The following ARB2A variants were observed in gnomAD, a reference collection of about 807,000 sequenced individuals.
ARB2A encodes the protein cotranscriptional regulator ARB2A.
the ARB2A span, among the ~76,000 whole-genome samples, chr5:94,106,296 C>A: frequency 5.9e-5 from 9 of 151,860 alleles, no homozygotes; most frequent in Non-Finnish European, 1.0e-4. Context: ...AGCAAAAAAA[C>A]CCATAAAAAA....
chr5:93,856,090 C>T, the ARB2A span, among the ~76,000 whole-genome samples: 1 of 152,156 alleles, frequency 6.6e-6, no homozygotes, highest in South Asian at 2.1e-4. Context: ...GAATGTATAA[C>T]TAGAATAACC....
the ARB2A span, among the ~76,000 whole-genome samples, chr5:93,853,283 T>C: frequency 2.0e-4 from 30 of 152,014 alleles, no homozygotes; most frequent in African/African-American, 6.3e-4. Context: ...TATAAGAATG[T>C]TTGTGATTTT....
the ARB2A span, among the ~76,000 whole-genome samples, chr5:93,931,504 A>G: frequency 6.6e-6 from 1 of 152,176 alleles, no homozygotes; most frequent in Non-Finnish European, 1.5e-5. Flanking sequence ...CTTTGTTAAA[A>G]CATAGAATGG....
the ARB2A span, among the ~76,000 whole-genome samples, chr5:93,940,453 G>A: frequency 1.3e-5 from 2 of 151,846 alleles, no homozygotes; most frequent in African/African-American, 2.4e-5. Context: ...ATAATTAGTA[G>A]ATATGTCTTT....
At chr5:94,006,644 T>C in the ARB2A span, among the ~76,000 whole-genome samples, 1 of 152,300 alleles carries the variant, frequency 6.6e-6, no homozygotes, top group Non-Finnish European at 1.5e-5. Flanking sequence ...TTAAACTATA[T>C]TTATCAGTAA....
chr5:93,715,442 G>T, the ARB2A span, among the ~76,000 whole-genome samples: 1 of 152,128 alleles, frequency 6.6e-6, no homozygotes, highest in East Asian at 1.9e-4. Flanking sequence ...GCACTTTGTA[G>T]TGTGCAGCAG....
the ARB2A span, among the ~76,000 whole-genome samples, chr5:94,049,735 C>T: frequency 3.3e-5 from 5 of 152,110 alleles, no homozygotes; most frequent in African/African-American, 4.8e-5. Context: ...GCACGAGAAT[C>T]GCTTGAACCA....
At chr5:93,790,621 T>C in the ARB2A span, among the ~76,000 whole-genome samples, 3 of 152,136 alleles carry the variant, frequency 2.0e-5, no homozygotes, top group African/African-American at 7.2e-5. Flanking sequence ...AGTTCTACTT[T>C]CCTCCCACCA....
the ARB2A span, among the ~76,000 whole-genome samples, chr5:93,771,458 A>T: frequency 6.6e-6 from 1 of 151,072 alleles, no homozygotes; most frequent in Non-Finnish European, 1.5e-5. Flanking sequence ...GACAAATGGG[A>T]TCTAATTAAA....
chr5:93,644,269 C>A, the ARB2A span, among the ~76,000 whole-genome samples: 1 of 152,140 alleles, frequency 6.6e-6, no homozygotes, highest in African/African-American at 2.4e-5. Flanking sequence ...TTACTTCTTT[C>A]TGAAAGTAAT....
the ARB2A span, among the ~76,000 whole-genome samples, chr5:94,106,483 T>C: frequency 6.6e-6 from 1 of 152,080 alleles, no homozygotes; most frequent in African/African-American, 2.4e-5. Context: ...TAACAGCTGC[T>C]GATGAGGTTG....
the ARB2A span, among the ~76,000 whole-genome samples, chr5:93,895,508 T>C: frequency 2.0e-5 from 3 of 152,172 alleles, no homozygotes; most frequent in Non-Finnish European, 4.4e-5. Flanking sequence ...TCCAAAGGCA[T>C]AACATTTGTT....
chr5:94,104,333 C>G, the ARB2A span, among the ~76,000 whole-genome samples: 1 of 150,900 alleles, frequency 6.6e-6, no homozygotes, highest in African/African-American at 2.4e-5. Flanking sequence ...TACAACTGAC[C>G]CCACAGAAAT....
At chr5:94,014,963 G>A in the ARB2A span, among the ~76,000 whole-genome samples, 6 of 150,970 alleles carry the variant, frequency 4.0e-5, no homozygotes, top group African/African-American at 1.5e-4. Flanking sequence ...CAAGAGCAAG[G>A]AGTAGAAAGT....
At chr5:93,622,816 G>A in the ARB2A span, among the ~76,000 whole-genome samples, 1 of 152,132 alleles carries the variant, frequency 6.6e-6, no homozygotes, top group Non-Finnish European at 1.5e-5. Flanking sequence ...TAAAGTGCTA[G>A]GTGGATTTTG....
At chr5:93,881,410 A>G in the ARB2A span, 1 of 1,239,202 alleles carries the variant, frequency 8.1e-7, no homozygotes, top group Non-Finnish European at 1.1e-6. Context: ...AACAATCTAC[A>G]TATAATAAAA....
the ARB2A span, among the ~76,000 whole-genome samples, chr5:93,854,174 A>G: frequency 1.3e-5 from 2 of 151,850 alleles, no homozygotes; most frequent in African/African-American, 2.4e-5. Context: ...CTTCTTCCTG[A>G]TTTAGTCTTG....
At chr5:93,865,660 T>C in the ARB2A span, 28 of 985,408 alleles carry the variant, frequency 2.8e-5, no homozygotes, top group Non-Finnish European at 3.1e-5. Flanking sequence ...TTATCATCTA[T>C]ATTTATCATC....
At chr5:93,825,745 T>C in the ARB2A span, among the ~76,000 whole-genome samples, 6 of 152,126 alleles carry the variant, frequency 3.9e-5, no homozygotes, top group East Asian at 1.9e-4. Flanking sequence ...TAGAATTATA[T>C]AGCAGAAAGT....
Sources: allele counts gnomAD v4.1 joint callset (sites outside exome capture counted in the v4.1 genomes callset), GRCh38; gene constraint gnomAD v4.1.1; transcripts MANE v1.5; gene names NCBI Gene and HGNC (gene_info 2026-07-23, HGNC 2026-07-21).